GRIK4: variants seen among roughly 807,000 people sequenced by gnomAD.
GRIK4 encodes glutamate ionotropic receptor kainate type subunit 4.
In GRIK4, 40 loss-of-function variants were observed where a neutral mutation model predicts 104.9. The observed-to-expected ratio is 0.38, with a 90% confidence interval of 0.30 to 0.50. The LOEUF (loss-of-function observed/expected upper bound fraction) is 0.50. Among genes scored for constraint, GRIK4 ranks in the 20% least tolerant of loss-of-function variants. GRIK4 has a pLI of 0.93. For missense variants in GRIK4, 1,047 were observed against 1,308.1 expected, an observed-to-expected ratio of 0.80 and a Z score of 3.08; for synonymous variants, 485 against 524.9, an observed-to-expected ratio of 0.92 and a Z score of 1.04.
chr11:120,920,692 C>T (rs1943209525), intron 13 of GRIK4, among the ~76,000 whole-genome samples: 1 of 152,220 alleles, frequency 6.6e-6, no homozygotes, highest in African/African-American at 2.4e-5. Flanking sequence ...AGTGGTGGAG[C>T]ACCCACTAGT....
chr11:120,519,126 A>G (rs1947765309), intron 1 of GRIK4, among the ~76,000 whole-genome samples: 1 of 152,222 alleles, frequency 6.6e-6, no homozygotes, highest in Admixed American at 6.5e-5. Flanking sequence ...TGTCTCTAAC[A>G]CTAGGCTGAC....
intron 3 of GRIK4, among the ~76,000 whole-genome samples, chr11:120,689,099 C>A (rs569628203): frequency 2.0e-5 from 3 of 152,122 alleles, no homozygotes; most frequent in South Asian, 2.1e-4. Context: ...CAAGCCCAGT[C>A]AGGGCTTGGG....
chr11:120,982,220 C>T lies in GRIK4; in HGVS notation c.2510C>T (p.Thr837Ile). Reference protein sequence around the residue: ...FLWTLRHSEATEVSVCQEMVT... With the variant: ...FLWTLRHSEAIEVSVCQEMVT... ...TGGACTCTCAGACACTCAGAAGCAA[C>T]TGAGGTAAACTTTCAAAGGGGTATG... The change falls in exon 20 of 21, where the codon ACT (threonine) becomes ATT (isoleucine). Residue 837 changes from threonine to isoleucine, a missense_variant. This residue lies in a region of GRIK4 where 440 missense variants were observed against 652.3 expected (regional missense o/e 0.67). Transcript: ENST00000527524. 6.5e-7 allele frequency: 1 copy of T among 1,535,482 alleles called. No homozygotes were observed.
rs997532097 is a variant in GRIK4, at chr11:120,953,790, T to A, written c.1700+826T>A. On this transcript the variant is annotated intron_variant, in intron 15 of 20. Transcript: ENST00000527524. This position sits in a 1 kb window ranked among gnomAD's most constrained non-coding sequence, Gnocchi z 4.9. ...AGCTGCAGGAGAGCCAGCTTAACCC[T>A]CCAGAAGTGGGATGAGCCCTGGTGG... Among the ~76,000 whole-genome samples, 7 of 152,260 alleles carry A rather than the reference T, an allele frequency of 4.6e-5. No individual in the cohort carries two copies. The South Asian group carries it at 1.5e-3, about 32-fold the overall frequency.
intron 1 of GRIK4, among the ~76,000 whole-genome samples, chr11:120,637,530 A>G (rs1949414053): frequency 6.6e-6 from 1 of 152,182 alleles, no homozygotes; most frequent in Admixed American, 6.5e-5. Context: ...TGGATACGTA[A>G]AGCAGGACTG....
intron 3 of GRIK4, among the ~76,000 whole-genome samples, chr11:120,715,053 T>G (rs1001655188): frequency 6.6e-6 from 1 of 152,168 alleles, no homozygotes; most frequent in South Asian, 2.1e-4. Flanking sequence ...ACTGGAGGTG[T>G]CCACCCTGTA....
Position 120,953,050 on chromosome 11 carries a change from A to T in GRIK4, c.1700+86A>T. The T allele has an allele frequency of 2.5e-6, 2 of 806,782 alleles. No individual in the cohort carries two copies. Among genetic ancestry groups the T allele is most frequent in the African/African-American group, 3.6e-5 (2 of 55,318 alleles). 50.0% of individuals were successfully genotyped at this position (806,782 alleles called of 1,614,324 possible). A position where few individuals can be genotyped will look rare whatever the true frequency, so the allele number is the denominator to read the frequency against. On this transcript the variant is annotated intron_variant, in intron 15 of 20. Transcript: ENST00000527524. The surrounding 1 kb of genome is among the most constrained non-coding windows in gnomAD (Gnocchi z 4.9). ...GCATGGGGAGGGGGTGGGGAGGAGG[A>T]GAGGGGGAGGAGGAGTTGGGAAGAT...
intron 3 of GRIK4, among the ~76,000 whole-genome samples, chr11:120,711,201 G>A (rs138326306): frequency 6.6e-6 from 1 of 152,340 alleles, no homozygotes; most frequent in African/African-American, 2.4e-5. Flanking sequence ...TGGAGGCAGA[G>A]GGTAAATGAA....
chr11:120,943,907 C>T (rs1016576827), intron 14 of GRIK4, among the ~76,000 whole-genome samples: 12 of 152,188 alleles, frequency 7.9e-5, no homozygotes, highest in African/African-American at 1.2e-4. Context: ...GACTTTCCAG[C>T]GATCCAAGAT....
Position 120,986,415 on chromosome 11 carries a change from G to A in GRIK4, c.*155G>A, listed in dbSNP as rs1426772683. The A allele has an allele frequency of 9.3e-7, 1 of 1,072,594 alleles. No individual in the cohort carries two copies. Among genetic ancestry groups the A allele is most frequent in the Non-Finnish European group, 1.3e-6 (1 of 797,366 alleles). 66.4% of individuals were successfully genotyped at this position (1,072,594 alleles called of 1,614,324 possible). On this transcript the variant is annotated 3_prime_UTR_variant, in exon 21 of 21. Coordinates refer to ENST00000527524, the MANE Select transcript of GRIK4 (RefSeq NM_014619.5). The stretch of plus-strand genomic sequence containing the variant: ...TTTCAAAAAGATCAAGGAGCCTGAC[G>A]CCCCAGCCAGAGACCGCGCCCGGTC...
intron 8 of GRIK4, 141 bp downstream of exon 8, chr11:120,836,985 G>C (rs1400480968): frequency 1.7e-6 from 1 of 605,918 alleles, no homozygotes; most frequent in Non-Finnish European, 2.9e-6. Flanking sequence ...GAGAGGCAGG[G>C]CGTCCTGGAA....
intron 1 of GRIK4, among the ~76,000 whole-genome samples, chr11:120,521,532 GAA>G (rs1283195587): frequency 7.2e-5 from 11 of 152,136 alleles, no homozygotes; most frequent in Non-Finnish European, 1.6e-4. Flanking sequence ...GTAACTAGCC[GAA>G]AGCCACATAG....
At chr11:120,837,572 C>T (rs1953606709) in intron 8 of GRIK4, among the ~76,000 whole-genome samples, 1 of 152,090 alleles carries the variant, frequency 6.6e-6, no homozygotes, top group Non-Finnish European at 1.5e-5. Context: ...AAACTTTTTC[C>T]AAGTAAGCAC....
intron 1 of GRIK4, among the ~76,000 whole-genome samples, chr11:120,585,715 TTTTG>T (rs768738314): frequency 1.9e-5 from 2 of 102,664 alleles, no homozygotes; most frequent in Non-Finnish European, 2.6e-5. Flanking sequence ...AAAGTTCTTT[TTTTG>T]TTTTTGTTTT....
chr11:120,947,577 T>C (rs1266830508), intron 14 of GRIK4, among the ~76,000 whole-genome samples: 1 of 152,176 alleles, frequency 6.6e-6, no homozygotes, highest in East Asian at 1.9e-4. Context: ...TGCTTAATAC[T>C]CTGTTCTAAG....
chr11:120,834,979 C>T (rs1206667296), intron 7 of GRIK4, among the ~76,000 whole-genome samples: 1 of 152,172 alleles, frequency 6.6e-6, no homozygotes, highest in South Asian at 2.1e-4. Context: ...CTTACTTGGA[C>T]AGTGTGATTG....
chr11:120,804,251 T>C (rs1408081903), intron 4 of GRIK4, among the ~76,000 whole-genome samples: 1 of 152,118 alleles, frequency 6.6e-6, no homozygotes, highest in African/African-American at 2.4e-5. Flanking sequence ...CAAAAATAAG[T>C]AAACAAAACA....
At chr11:120,864,144 GCAA>G (rs1478043161) in intron 9 of GRIK4, among the ~76,000 whole-genome samples, 10 of 152,120 alleles carry the variant, frequency 6.6e-5, no homozygotes, top group African/African-American at 2.2e-4. Context: ...TAGCAGCAAT[GCAA>G]GCCCTGTTCT....
chr11:120,704,015 C>T (rs1208027949), intron 3 of GRIK4, among the ~76,000 whole-genome samples: 2 of 152,148 alleles, frequency 1.3e-5, no homozygotes, highest in Non-Finnish European at 2.9e-5. Context: ...TCTGAGTTTC[C>T]GTTCACTAGC....
Sources: allele counts gnomAD v4.1 joint callset (sites outside exome capture counted in the v4.1 genomes callset), GRCh38; gene constraint gnomAD v4.1.1; regional missense constraint gnomAD v4.1.1; non-coding constraint Gnocchi (gnomAD v3.1); transcripts MANE v1.5; gene names NCBI Gene and HGNC (gene_info 2026-07-23, HGNC 2026-07-21).